The following IFI16 variants were observed in gnomAD, a reference collection of about 807,000 sequenced individuals.
The protein encoded by IFI16 is interferon gamma inducible protein 16, also known as gamma-interferon-inducible protein 16.
IFI16 carries 49 observed loss-of-function variants against 68.4 expected under a neutral mutation model. The ratio of observed to expected loss-of-function variants is 0.72; its 90% confidence interval spans 0.57 to 0.91. The LOEUF is 0.91. Ranked by LOEUF, IFI16 falls within the 40% of genes least tolerant of loss-of-function variation. The probability of loss-of-function intolerance (pLI) is 0.00; values close to 1 mark genes in which losing one functional copy is unlikely to be tolerated. For synonymous variants in IFI16, 307 were observed against 315.0 expected (o/e 0.97, Z 0.27); for missense variants, 878 against 942.9 (o/e 0.93, Z 0.90).
Position 159,032,709 on chromosome 1 carries a change from C to A in IFI16, c.1329+18C>A. The A allele has an allele frequency of 6.4e-7, 1 of 1,562,060 alleles. No homozygotes were observed. The highest frequency in any genetic ancestry group is 8.6e-7 in the Non-Finnish European group (1 of 1,157,244). On this transcript the variant is annotated intron_variant, in intron 7 of 11. Coordinates refer to ENST00000295809, the MANE Select transcript of IFI16 (RefSeq NM_001376587.1). ...TCACCAAGGTACAATTTCCTGGGTC[C>A]CATGCCTCATGTCTCCCCACCATAA... is the stretch of plus-strand genomic sequence containing the variant.
At chr1:159,024,993 T>G (rs180897190) in intron 6 of IFI16, among the ~76,000 whole-genome samples, 24 of 144,676 alleles carry the variant, frequency 1.7e-4, no homozygotes, top group Admixed American at 1.4e-3. Context: ...CAGGCTCGAG[T>G]TTTTTTTTTT....
rs1653074009 is a variant in IFI16 at position 159,018,356 on chromosome 1, AAAT to A, written c.681_683del (p.Ile227del). 1.2e-6 allele frequency: 2 copies of A among 1,614,208 alleles called. No homozygotes were observed. Among genetic ancestry groups the A allele is most frequent in the Non-Finnish European group, 1.7e-6 (2 of 1,180,024 alleles). ...TATGAGACCCCAGAAATGGAGAAAAAAATAATGTTTCATGCTACAGTGGCTACA... is the reference window on the plus strand; with the variant it reads ...TATGAGACCCCAGAAATGGAGAAAAAAATGTTTCATGCTACAGTGGCTACA... On this transcript the variant is annotated inframe_deletion, in exon 5 of 12. Coordinates refer to ENST00000295809, the MANE Select transcript of IFI16 (RefSeq NM_001376587.1).
chr1:159,052,897 T>C (rs1473082500), intron 10 of IFI16: 2 of 152,292 alleles, frequency 1.3e-5, no homozygotes, highest in Non-Finnish European at 2.9e-5. Context: ...ACATGTCTTC[T>C]AGGGTGGCTT....
At chr1:159,033,695 A>G (rs1035501487) in intron 7 of IFI16, among the ~76,000 whole-genome samples, 2 of 152,242 alleles carry the variant, frequency 1.3e-5, no homozygotes, top group African/African-American at 2.4e-5. Context: ...TAATGATTAT[A>G]TATGGCTTTA....
intron 6 of IFI16, among the ~76,000 whole-genome samples, chr1:159,031,023 G>T (rs548092352): frequency 2.6e-5 from 4 of 152,142 alleles, no homozygotes; most frequent in Admixed American, 2.6e-4. Context: ...TGCTGTGGGG[G>T]ATGGGGTGTG....
rs529544822 is a variant in IFI16, at chr1:159,043,002, T to C, written c.1330-2295T>C. 2.1e-3 allele frequency among the ~76,000 whole-genome samples: 327 copies of C among 152,344 alleles called. 1 individual carries two copies. Among genetic ancestry groups the C allele is most frequent in the Admixed American group, 5.5e-3 (84 of 15,308 alleles). On this transcript the variant is annotated intron_variant, in intron 7 of 11. Coordinates refer to ENST00000295809, the MANE Select transcript of IFI16 (RefSeq NM_001376587.1). ...CATTATTATTCTCCAATATCATTTC[T>C]CACCCAAGCCCCAAGCTGCCCCCGG...
intron 9 of IFI16, among the ~76,000 whole-genome samples, chr1:159,051,050 T>C (rs373658936): frequency 6.6e-6 from 1 of 152,136 alleles, no homozygotes; most frequent in East Asian, 1.9e-4. Context: ...GATTTTTTTC[T>C]CTATTTTTAT....
rs781105954 is a variant in IFI16 at position 159,016,039 on chromosome 1, T to C, written c.381+52T>C. 6.8e-6 allele frequency: 8 copies of C among 1,170,818 alleles called. No homozygotes were observed. The South Asian group carries it at 1.0e-4, about 15-fold the overall frequency. 72.5% of individuals were successfully genotyped at this position (1,170,818 alleles called of 1,614,324 possible). On this transcript the variant is annotated intron_variant, in intron 3 of 11. Transcript: ENST00000295809. ...TCAAGTCCCACAGAGGAAGCTCTGC[T>C]ACGGCTCTTCCACTCAATCTCTCCA...
At chr1:159,043,448 A>G (rs1434688549) in intron 7 of IFI16, among the ~76,000 whole-genome samples, 7 of 152,216 alleles carry the variant, frequency 4.6e-5, no homozygotes, top group African/African-American at 1.4e-4. Context: ...GATCCAAGGC[A>G]GACTCATCCA....
chr1:159,039,532 C>T (rs547132749), intron 7 of IFI16, among the ~76,000 whole-genome samples: 3 of 152,152 alleles, frequency 2.0e-5, no homozygotes, highest in South Asian at 2.1e-4. Flanking sequence ...TTAGTAGAGA[C>T]GGGGTTTAAC....
At chr1:159,014,076 A>G (rs1024982046) in intron 1 of IFI16, among the ~76,000 whole-genome samples, 13 of 152,328 alleles carry the variant, frequency 8.5e-5, no homozygotes, top group African/African-American at 3.1e-4. Flanking sequence ...GATTTTCAGC[A>G]AAGTTATGGT....
chr1:159,004,380 A>C (rs1163041080), upstream of IFI16, among the ~76,000 whole-genome samples: 3 of 152,092 alleles, frequency 2.0e-5, no homozygotes, highest in African/African-American at 7.2e-5. Flanking sequence ...AAATCTGAGT[A>C]AATTATAGAT....
rs765889431 is a variant in IFI16, at chr1:159,018,317, C to A, written c.638C>A (p.Thr213Lys). The part of the protein sequence containing the change: ...RPVIVKVLST[T>K]KPFEYETPEM... The stretch of plus-strand genomic sequence containing the variant: ...GTGATAGTGAAGGTACTGAGTACAA[C>A]AAAGCCATTTGAATATGAGACCCCA... Residue 213 changes from threonine (T) to lysine (K), a missense_variant, in exon 5 of 12, where the codon ACA becomes AAA. Physicochemically the swap from Thr to Lys is moderately conservative, Grantham distance 78. Around this residue, in one of 4 missense-constraint regions of IFI16, gnomAD observed 443 missense variants for 421.8 expected, o/e 1.05. Coordinates refer to ENST00000295809, the MANE Select transcript of IFI16 (RefSeq NM_001376587.1). The A allele has an allele frequency of 6.2e-7, 1 of 1,613,860 alleles. No individual in the cohort carries two copies. The highest frequency in any genetic ancestry group is 8.5e-7 in the Non-Finnish European group (1 of 1,179,890).
intron 6 of IFI16, among the ~76,000 whole-genome samples, chr1:159,024,131 T>C (rs1653504305): frequency 6.6e-6 from 1 of 152,260 alleles, no homozygotes; most frequent in African/African-American, 2.4e-5. Context: ...GAATATTTAA[T>C]TCATTCCAGC....
chr1:159,039,737 A>G (rs1431541082), intron 7 of IFI16, among the ~76,000 whole-genome samples: 1 of 152,192 alleles, frequency 6.6e-6, no homozygotes, highest in African/African-American at 2.4e-5. Flanking sequence ...GATGACTTCA[A>G]TAGAATAAAG....
At chr1:159,001,094 A>C (rs2101768315), upstream of IFI16, among the ~76,000 whole-genome samples, 1 of 152,368 alleles carries the variant, frequency 6.6e-6, no homozygotes, top group South Asian at 2.1e-4. Context: ...TAATACTTCC[A>C]AATCCTGAAA....
chr1:159,026,830 C>T (rs12061402), intron 6 of IFI16, among the ~76,000 whole-genome samples: 1 of 151,746 alleles, frequency 6.6e-6, no homozygotes, highest in Non-Finnish European at 1.5e-5. Flanking sequence ...GGTTGCTGGC[C>T]GTGTATAGCA....
chr1:159,045,493 C>G, intron 8 of IFI16, 29 bp downstream of exon 8: 6 of 1,606,698 alleles, frequency 3.7e-6, no homozygotes, highest in South Asian at 2.2e-5. Context: ...CAATACATTC[C>G]CCTCACTACA....
At chr1:159,048,893 A>T (rs1024750820) in intron 8 of IFI16, among the ~76,000 whole-genome samples, 3 of 151,508 alleles carry the variant, frequency 2.0e-5, no homozygotes, top group African/African-American at 4.8e-5. Flanking sequence ...AGATTCTGAT[A>T]GCCTGATCCA....
Sources: gnomAD v4.1 joint callset for allele counts (sites outside exome capture counted in the v4.1 genomes callset) on GRCh38, gnomAD v4.1.1 for gene constraint, gnomAD v4.1.1 regional missense constraint, MANE v1.5 for transcripts, NCBI Gene and HGNC (gene_info 2026-07-23, HGNC 2026-07-21) for gene names.